The following ZZZ3 variants were observed in gnomAD, a reference collection of about 807,000 sequenced individuals.
ZZZ3 encodes ZZ-type zinc finger-containing protein 3.
ZZZ3 carries 22 observed loss-of-function variants against 95.2 expected under a neutral mutation model. The ratio of observed to expected loss-of-function variants is 0.23; its 90% CI spans 0.17 to 0.33. The LOEUF is 0.33. Among genes scored for constraint, ZZZ3 ranks in the 10% least tolerant of loss-of-function variants. The pLI is 1.00. For synonymous variants in ZZZ3, 335 were observed against 358.9 expected (o/e 0.93, Z 0.75); for missense variants, 885 against 1,066.5 (o/e 0.83, Z 2.37).
intron 1 of ZZZ3, among the ~76,000 whole-genome samples, chr1:77,675,489 T>C (rs1401056998): frequency 6.6e-6 from 1 of 152,192 alleles, no homozygotes; most frequent in African/African-American, 2.4e-5. Context: ...GGTGTTAAGT[T>C]ATGTTCCAAT....
chr1:77,578,925 C>T (rs1264418254), intron 10 of ZZZ3, 56 bp from the exon 11 acceptor site: 9 of 1,161,608 alleles, frequency 7.7e-6, no homozygotes, highest in Non-Finnish European at 1.1e-5. Context: ...ATACCTGAGT[C>T]GTTTTTAAAA....
intron 5 of ZZZ3, among the ~76,000 whole-genome samples, 163 bp downstream of exon 5, chr1:77,631,687 G>A (rs1197615878): frequency 6.6e-6 from 1 of 152,160 alleles, no homozygotes; most frequent in Non-Finnish European, 1.5e-5. Context: ...TTGAGTTTAA[G>A]TCTTTTTTTG....
chr1:77,619,895 T>A (rs1553173969), intron 5 of ZZZ3, among the ~76,000 whole-genome samples: 1 of 152,180 alleles, frequency 6.6e-6, no homozygotes, highest in Non-Finnish European at 1.5e-5. Flanking sequence ...GGTATTTAAA[T>A]TTTTCTACTA....
At chr1:77,578,644 T>C (rs1662202601) in intron 11 of ZZZ3, 130 bp downstream of exon 11, 1 of 483,796 alleles carries the variant, frequency 2.1e-6, no homozygotes, top group Non-Finnish European at 3.4e-6. Context: ...TTGCACAATA[T>C]AAGGAAATGC....
chr1:77,659,516 A>G (rs540986495), intron 1 of ZZZ3, among the ~76,000 whole-genome samples: 24 of 151,770 alleles, frequency 1.6e-4, no homozygotes, highest in African/African-American at 5.6e-4. Context: ...GTAAAACCCC[A>G]TCTCTATTAA....
intron 1 of ZZZ3, among the ~76,000 whole-genome samples, chr1:77,674,244 A>G (rs982513808): frequency 6.6e-6 from 1 of 152,218 alleles, no homozygotes; most frequent in African/African-American, 2.4e-5. Context: ...TCAAGGTACA[A>G]ATCAGGTTGA....
chr1:77,591,362 C>G (rs1663676420), intron 5 of ZZZ3, among the ~76,000 whole-genome samples: 1 of 151,962 alleles, frequency 6.6e-6, no homozygotes, highest in South Asian at 2.1e-4. Context: ...TCTTTTCTTT[C>G]ATTATAGATG....
intron 1 of ZZZ3, among the ~76,000 whole-genome samples, chr1:77,673,827 G>C (rs1672007549): frequency 6.6e-6 from 1 of 151,998 alleles, no homozygotes; most frequent in African/African-American, 2.4e-5. Context: ...TCTTGGTGGG[G>C]AGGCTCACAA....
chr1:77,576,353 T>G lies in ZZZ3; in HGVS notation c.2179-133A>C, dbSNP rs867425614. On this transcript the variant is annotated intron_variant, in intron 11 of 14. Transcript: ENST00000370801. ...CTCTATCCTTTAGCATACTCTTATG[T>G]TGTTGCTTTTTCTGTTTTCTGCGTT... 39 of 716,582 alleles carry G rather than the reference T, an allele frequency of 5.4e-5. No homozygotes were observed. The Middle Eastern group carries it at 1.0e-3, about 19-fold the overall frequency. 44.4% of individuals were successfully genotyped at this position (716,582 alleles called of 1,614,324 possible).
chr1:77,611,992 G>C (rs1451137165), intron 5 of ZZZ3, among the ~76,000 whole-genome samples: 2 of 151,936 alleles, frequency 1.3e-5, no homozygotes, highest in East Asian at 3.9e-4. Flanking sequence ...AAACTAAAAA[G>C]CTTCAGCGTG....
chr1:77,682,240 T>C (rs1011575381), intron 1 of ZZZ3, among the ~76,000 whole-genome samples: 1 of 151,966 alleles, frequency 6.6e-6, no homozygotes, highest in African/African-American at 2.4e-5. Context: ...CGCGACACAA[T>C]AGTTAACCGG....
chr1:77,573,144 G>A (rs1661575788), intron 12 of ZZZ3, among the ~76,000 whole-genome samples: 1 of 152,062 alleles, frequency 6.6e-6, no homozygotes, highest in Admixed American at 6.5e-5. Flanking sequence ...TGGAGCTGGA[G>A]TTTTTGCCCT....
chr1:77,631,367 C>T (rs1667799684), intron 5 of ZZZ3, among the ~76,000 whole-genome samples: 1 of 151,978 alleles, frequency 6.6e-6, no homozygotes, highest in Non-Finnish European at 1.5e-5. Flanking sequence ...AAAGATGATG[C>T]ATAAAGCACA....
intron 4 of ZZZ3, among the ~76,000 whole-genome samples, chr1:77,635,205 G>A (rs1668187250): frequency 6.6e-6 from 1 of 152,214 alleles, no homozygotes; most frequent in Non-Finnish European, 1.5e-5. Context: ...AGTGAATTAA[G>A]TGAGAAAGTA....
At chr1:77,605,233 G>C (rs1665117491) in intron 5 of ZZZ3, among the ~76,000 whole-genome samples, 1 of 152,152 alleles carries the variant, frequency 6.6e-6, no homozygotes, top group African/African-American at 2.4e-5. Context: ...TGATTAATGA[G>C]AGAGAGGGCA....
chr1:77,680,045 T>C lies in ZZZ3; in HGVS notation c.-403+2540A>G, dbSNP rs571422590. 3.3e-5 allele frequency among the ~76,000 whole-genome samples: 5 copies of C among 152,324 alleles called. No homozygotes were observed. In the East Asian group the frequency reaches 5.8e-4, roughly 18 times the overall value. On this transcript the variant is annotated intron_variant, in intron 1 of 14. Coordinates refer to ENST00000370801, the MANE Select transcript of ZZZ3 (RefSeq NM_015534.6). ...TATGTAGATACCTTTGCAAAGGCCATTGTAGAACTGTGACCTTCAAACTCA... is the reference window on the plus strand; with the variant it reads ...TATGTAGATACCTTTGCAAAGGCCACTGTAGAACTGTGACCTTCAAACTCA...
chr1:77,611,489 A>G (rs577106806), intron 5 of ZZZ3, among the ~76,000 whole-genome samples: 2 of 152,146 alleles, frequency 1.3e-5, no homozygotes, highest in South Asian at 2.1e-4. Flanking sequence ...CAATCCTAAA[A>G]TTTGTATGGA....
At chr1:77,655,081 G>C (rs904512759) in intron 1 of ZZZ3, among the ~76,000 whole-genome samples, 6 of 152,176 alleles carry the variant, frequency 3.9e-5, no homozygotes, top group African/African-American at 4.8e-5. Context: ...AAGGTGAGAA[G>C]GCTGAGCGTG....
At chr1:77,661,241 C>T (rs1670754210) in intron 1 of ZZZ3, among the ~76,000 whole-genome samples, 2 of 151,876 alleles carry the variant, frequency 1.3e-5, no homozygotes, top group South Asian at 2.1e-4. Context: ...AGTGAAACCC[C>T]GTCTCTACTA....
Sources: allele counts gnomAD v4.1 joint callset (sites outside exome capture counted in the v4.1 genomes callset), GRCh38; gene constraint gnomAD v4.1.1; transcripts MANE v1.5; gene names NCBI Gene and HGNC (gene_info 2026-07-23, HGNC 2026-07-21).